CDH8: variants seen among roughly 807,000 people sequenced by gnomAD.
CDH8 encodes cadherin-8.
CDH8 carries 17 observed loss-of-function variants against 68.1 expected under a neutral mutation model. The ratio of observed to expected loss-of-function variants is 0.25; its 90% CI spans 0.17 to 0.37. The LOEUF (loss-of-function observed/expected upper bound fraction) is 0.37. CDH8 is among the 10% of genes least tolerant of loss of function. CDH8 has a pLI of 1.00. For synonymous variants in CDH8, 372 were observed against 365.1 expected (o/e 1.02, Z -0.21); for missense variants, 763 against 999.3 (o/e 0.76, Z 3.19).
At chr16:61,989,263 A>C (rs75753351) in intron 2 of CDH8, among the ~76,000 whole-genome samples, 1 of 152,226 alleles carries the variant, frequency 6.6e-6, no homozygotes, top group African/African-American at 2.4e-5. Context: ...CTTTTGGTAC[A>C]TTGTTATTTT....
chr16:61,950,236 T>C (rs1487779734), intron 2 of CDH8, among the ~76,000 whole-genome samples: 1 of 151,744 alleles, frequency 6.6e-6, no homozygotes, highest in African/African-American at 2.4e-5. Context: ...CTCAAATGAA[T>C]TTTTTTTTCT....
chr16:61,967,945 A>G (rs1885141090), intron 2 of CDH8, among the ~76,000 whole-genome samples: 1 of 152,088 alleles, frequency 6.6e-6, no homozygotes, highest in Non-Finnish European at 1.5e-5. Context: ...AGTAGCTGGG[A>G]TTACAGGCGC....
chr16:61,934,911 A>C lies in CDH8; in HGVS notation c.253-33438T>G, dbSNP rs191675620. Among the ~76,000 whole-genome samples, 15 of 152,358 alleles carry C rather than the reference A, an allele frequency of 9.8e-5. No individual in the cohort carries two copies. In the East Asian group the frequency reaches 2.5e-3, roughly 25 times the overall value. ...TTACAACTGCAGGACATGACTCCAA[A>C]GTTACATCTCATGCCAAGTCCAAAA... On this transcript the variant is annotated intron_variant, in intron 2 of 11. Transcript: ENST00000577390.
At chr16:62,024,904 T>C (rs1172109381) in intron 1 of CDH8, among the ~76,000 whole-genome samples, 1 of 152,184 alleles carries the variant, frequency 6.6e-6, no homozygotes, top group Non-Finnish European at 1.5e-5. Context: ...TTCATGAGCA[T>C]ATACTGTATG....
chr16:62,035,882 C>A (rs1313563030), intron 1 of CDH8, among the ~76,000 whole-genome samples, 198 bp downstream of exon 1: 1 of 152,178 alleles, frequency 6.6e-6, no homozygotes, highest in Non-Finnish European at 1.5e-5. Context: ...AACCTTGAGG[C>A]GTACGTACGT....
intron 3 of CDH8, among the ~76,000 whole-genome samples, chr16:61,873,915 GGGTGGT>G (rs1316552713): frequency 2.6e-5 from 4 of 152,212 alleles, no homozygotes; most frequent in Admixed American, 2.6e-4. Context: ...AATTAGCCAG[GGGTGGT>G]GGTGCACACC....
intron 5 of CDH8, among the ~76,000 whole-genome samples, chr16:61,824,163 A>G (rs1390965665): frequency 2.0e-5 from 3 of 151,878 alleles, no homozygotes; most frequent in African/African-American, 7.2e-5. Context: ...TAAGTGAAAT[A>G]AGCCAGATCA....
At position 61,960,213 on chromosome 16, in the gene CDH8, G is replaced by GTGTGTGTGTATACACATACATATATACA. The variant is rs1567546117; in HGVS notation, c.253-58741_253-58740insTGTATATATGTATGTGTATACACACACA. Among the ~76,000 whole-genome samples the GTGTGTGTGTATACACATACATATATACA allele has an allele frequency of 1.3e-4, 3 of 23,066 alleles. 1 individual carries two copies. Among genetic ancestry groups the GTGTGTGTGTATACACATACATATATACA allele is most frequent in the South Asian group, 1.3e-3 (1 of 788 alleles). The allele number at this position is 23,066 out of a possible 152,430, so 15.1% of individuals were successfully genotyped here. A position where few individuals can be genotyped will look rare whatever the true frequency, so the allele number is the denominator to read the frequency against. On this transcript the variant is annotated intron_variant, in intron 2 of 11. Transcript: ENST00000577390. ...TGTGTATACACATACATATATACATGTGTGTGTGTATACACACATATATAC... is the reference window on the plus strand; with the variant it reads ...TGTGTATACACATACATATATACATGTGTGTGTGTATACACATACATATATACATGTGTGTGTATACACACATATATAC...
At chr16:61,845,195 C>A (rs1457222737) in intron 4 of CDH8, among the ~76,000 whole-genome samples, 2 of 152,100 alleles carry the variant, frequency 1.3e-5, no homozygotes, top group Non-Finnish European at 2.9e-5. Context: ...TTATACTCTG[C>A]TGAGAGTGAA....
At chr16:61,685,185 A>C (rs1218363636) in intron 10 of CDH8, among the ~76,000 whole-genome samples, 2 of 132,248 alleles carry the variant, frequency 1.5e-5, no homozygotes, top group African/African-American at 3.9e-5. Context: ...TCCTGTCTGA[A>C]AAAAAAAAAA....
chr16:61,820,613 G>A (rs1023124090), intron 6 of CDH8, among the ~76,000 whole-genome samples: 2 of 151,850 alleles, frequency 1.3e-5, no homozygotes, highest in African/African-American at 4.8e-5. Context: ...GCCTTCACAG[G>A]ATGTTGACTT....
chr16:61,851,910 C>G (rs891591935), intron 4 of CDH8, among the ~76,000 whole-genome samples: 1 of 151,786 alleles, frequency 6.6e-6, no homozygotes, highest in Non-Finnish European at 1.5e-5. Flanking sequence ...AAGTGGGAAG[C>G]AAGGGAGAAG....
chr16:61,702,230 G>A (rs2142850687), intron 10 of CDH8, among the ~76,000 whole-genome samples: 1 of 152,290 alleles, frequency 6.6e-6, no homozygotes, highest in South Asian at 2.1e-4. Flanking sequence ...AAATTAGCCG[G>A]GAGTGGCGGC....
chr16:61,707,660 CAATGTTGTATCTAT>C (rs565841098), intron 10 of CDH8, among the ~76,000 whole-genome samples: 4 of 152,056 alleles, frequency 2.6e-5, no homozygotes, highest in Non-Finnish European at 5.9e-5. Flanking sequence ...CACGTATGCC[CAATGTTGTATCTAT>C]AAAGTGCTGA....
intron 10 of CDH8, among the ~76,000 whole-genome samples, chr16:61,665,555 C>G (rs67710419): frequency 0.21 from 32,264 of 151,622 alleles, 3,851 homozygotes; most frequent in Middle Eastern, 0.3. Flanking sequence ...CTAATGCACA[C>G]AGGGCTTAAA....
At chr16:61,882,436 T>C (rs549516832) in intron 3 of CDH8, among the ~76,000 whole-genome samples, 28 of 152,314 alleles carry the variant, frequency 1.8e-4, no homozygotes, top group African/African-American at 6.5e-4. Flanking sequence ...CGCAGTTGTG[T>C]TGACACATCT....
At chr16:62,007,859 CTG>C (rs1237285150) in intron 2 of CDH8, among the ~76,000 whole-genome samples, 1 of 152,066 alleles carries the variant, frequency 6.6e-6, no homozygotes, top group Middle Eastern at 3.2e-3. Context: ...TTTTGATCCT[CTG>C]TGTTTCTTGA....
At chr16:61,837,346 A>G (rs573172593) in intron 4 of CDH8, among the ~76,000 whole-genome samples, 11 of 152,160 alleles carry the variant, frequency 7.2e-5, no homozygotes, top group African/African-American at 2.6e-4. Flanking sequence ...GTACTCATGT[A>G]GTCAACACTT....
intron 10 of CDH8, among the ~76,000 whole-genome samples, chr16:61,708,578 TAA>T (rs1339270955): frequency 5.3e-5 from 8 of 152,210 alleles, no homozygotes; most frequent in Non-Finnish European, 1.5e-5. Context: ...CTTGTGACAC[TAA>T]GTGTACAGTC....
Sources: gnomAD v4.1 joint callset for allele counts (sites outside exome capture counted in the v4.1 genomes callset) on GRCh38, gnomAD v4.1.1 for gene constraint, MANE v1.5 for transcripts, NCBI Gene and HGNC (gene_info 2026-07-23, HGNC 2026-07-21) for gene names.